CHN2: variants seen among roughly 807,000 people sequenced by gnomAD.
The protein encoded by CHN2 is chimerin 2.
In CHN2, 35 loss-of-function variants were observed where a neutral mutation model predicts 56.3. That is an observed-to-expected ratio of 0.62 (90% CI 0.47 to 0.82). The LOEUF (loss-of-function observed/expected upper bound fraction) is 0.82. Ranked by LOEUF, CHN2 falls within the 40% of genes least tolerant of loss-of-function variation. CHN2 has a pLI of 0.00. For missense variants in CHN2, 491 were observed against 580.5 expected, an observed-to-expected ratio of 0.85 and a Z score of 1.58; for synonymous variants, 210 against 212.8, an observed-to-expected ratio of 0.99 and a Z score of 0.12.
intron 1 of CHN2, among the ~76,000 whole-genome samples, chr7:29,319,977 T>C (rs938420791): frequency 1.3e-5 from 2 of 152,064 alleles, no homozygotes; most frequent in African/African-American, 2.4e-5. Context: ...GAGAAAAATA[T>C]GTGTAAAGTG....
At chr7:29,353,941 C>T (rs1030796000) in intron 1 of CHN2, among the ~76,000 whole-genome samples, 9 of 152,160 alleles carry the variant, frequency 5.9e-5, no homozygotes, top group African/African-American at 1.2e-4. Context: ...ATGGTTGAGT[C>T]GACTGAACAA....
At chr7:29,312,205 A>G (rs915988652) in intron 1 of CHN2, among the ~76,000 whole-genome samples, 7 of 142,704 alleles carry the variant, frequency 4.9e-5, no homozygotes, top group Non-Finnish European at 1.1e-4. Flanking sequence ...TCATTTCTTC[A>G]TGCTCTTCTT....
At chr7:29,468,920 C>A (rs923983615) in intron 6 of CHN2, among the ~76,000 whole-genome samples, 1 of 152,120 alleles carries the variant, frequency 6.6e-6, no homozygotes, top group African/African-American at 2.4e-5. Context: ...AACTCTCTTC[C>A]TCTAAAATCC....
intron 1 of CHN2, among the ~76,000 whole-genome samples, chr7:29,238,403 C>T (rs186364189): frequency 1.6e-4 from 24 of 152,272 alleles, no homozygotes; most frequent in Admixed American, 1.1e-3. Flanking sequence ...CCATTAAATA[C>T]TTTTGCATGG....
intron 3 of CHN2, among the ~76,000 whole-genome samples, chr7:29,377,909 T>C (rs1054105498): frequency 6.6e-6 from 1 of 152,242 alleles, no homozygotes; most frequent in African/African-American, 2.4e-5. Context: ...AGAAATTAAA[T>C]AGCCTTGGCA....
chr7:29,319,587 T>C (rs918526439), intron 1 of CHN2, among the ~76,000 whole-genome samples: 14 of 152,190 alleles, frequency 9.2e-5, no homozygotes, highest in African/African-American at 3.4e-4. Context: ...TTATATTTGA[T>C]ATAAGGTCAA....
chr7:29,422,597 A>G (rs1367341748), intron 6 of CHN2, among the ~76,000 whole-genome samples: 2 of 152,384 alleles, frequency 1.3e-5, no homozygotes, highest in East Asian at 3.8e-4. Flanking sequence ...TTGAAAAAGG[A>G]GTATTTACTT....
At chr7:29,364,222 T>C (rs1209385588) in intron 2 of CHN2, among the ~76,000 whole-genome samples, 2 of 152,334 alleles carry the variant, frequency 1.3e-5, no homozygotes, top group East Asian at 3.9e-4. Flanking sequence ...CTGGTGCCCT[T>C]CTCTTCTCCC....
At chr7:29,242,593 C>A (rs1335889054) in intron 1 of CHN2, among the ~76,000 whole-genome samples, 1 of 151,094 alleles carries the variant, frequency 6.6e-6, no homozygotes, top group African/African-American at 2.4e-5. Flanking sequence ...AATAGAATAC[C>A]ATGCCAATGC....
At chr7:29,403,247 T>A (rs1802366654) in intron 6 of CHN2, among the ~76,000 whole-genome samples, 1 of 145,174 alleles carries the variant, frequency 6.9e-6, no homozygotes, top group Non-Finnish European at 1.5e-5. Context: ...TTAAAGGCAG[T>A]CAGTGGTCCA....
chr7:29,176,918 C>T (rs1346341387), intron 2 of CHN2, among the ~76,000 whole-genome samples: 1 of 151,746 alleles, frequency 6.6e-6, no homozygotes, highest in East Asian at 1.9e-4. Flanking sequence ...TGTTAAAATG[C>T]CTAGGTTAAC....
intron 1 of CHN2, among the ~76,000 whole-genome samples, chr7:29,258,280 A>G (rs1309976559): frequency 6.6e-6 from 1 of 152,180 alleles, no homozygotes; most frequent in Non-Finnish European, 1.5e-5. Context: ...TACCCTTTAT[A>G]TAGCCTAAGT....
In CHN2 at chr7:29,381,529, C is replaced by T. The variant is rs17157841; in HGVS notation, c.145-12150C>T. ...TAGAGGAGTGCCACTCATGGCTGGG[C>T]TTTTGGGTGTTCCTGGAAGCCCACT... On this transcript the variant is annotated intron_variant, in intron 3 of 12. Coordinates refer to ENST00000222792, the MANE Select transcript of CHN2 (RefSeq NM_004067.4). 2.3e-3 allele frequency among the ~76,000 whole-genome samples: 344 copies of T among 152,164 alleles called. 6 individuals are homozygous for T. In the East Asian group the frequency reaches 0.047, roughly 21 times the overall value.
intron 7 of CHN2, among the ~76,000 whole-genome samples, chr7:29,488,684 C>A (rs1017436100): frequency 6.6e-6 from 1 of 151,984 alleles, no homozygotes; most frequent in African/African-American, 2.4e-5. Flanking sequence ...AAACTTCACC[C>A]CCCCACCTCC....
chr7:29,380,828 G>C (rs1800441996), intron 3 of CHN2: 1 of 152,186 alleles, frequency 6.6e-6, no homozygotes, highest in Admixed American at 6.5e-5. Flanking sequence ...AATTTAAAGA[G>C]AGTTTGGAGG....
intron 2 of CHN2, among the ~76,000 whole-genome samples, chr7:29,356,746 A>G (rs1364644088): frequency 1.3e-5 from 2 of 152,140 alleles, no homozygotes; most frequent in Non-Finnish European, 2.9e-5. Flanking sequence ...TTCCAATCTA[A>G]TGCTCTGTAT....
chr7:29,405,405 G>A (rs1373830019), intron 6 of CHN2, among the ~76,000 whole-genome samples: 1 of 152,168 alleles, frequency 6.6e-6, no homozygotes, highest in Non-Finnish European at 1.5e-5. Flanking sequence ...ACAGTGCAGT[G>A]TGTCTGCCCC....
chr7:29,406,468 G>A (rs1015363548), intron 6 of CHN2, among the ~76,000 whole-genome samples: 1 of 152,114 alleles, frequency 6.6e-6, no homozygotes, highest in Non-Finnish European at 1.5e-5. Flanking sequence ...GGAGAGCTAG[G>A]TGGGTGCCAT....
At chr7:29,367,712 A>G (rs777924996) in intron 2 of CHN2, among the ~76,000 whole-genome samples, 1 of 152,220 alleles carries the variant, frequency 6.6e-6, no homozygotes, top group Non-Finnish European at 1.5e-5. Flanking sequence ...GCCTTATAAG[A>G]ATAAAAAAAT....
Sources: allele counts gnomAD v4.1 joint callset (sites outside exome capture counted in the v4.1 genomes callset), GRCh38; gene constraint gnomAD v4.1.1; transcripts MANE v1.5; gene names NCBI Gene and HGNC (gene_info 2026-07-23, HGNC 2026-07-21).